The following DHX29 variants were observed in gnomAD, a reference collection of about 807,000 sequenced individuals.
DHX29 encodes the protein DExH-box helicase 29.
A neutral mutation model predicts 167.9 loss-of-function variants in DHX29; 79 were observed. The ratio of observed to expected loss-of-function variants is 0.47; its 90% confidence interval spans 0.39 to 0.57. DHX29 has a LOEUF of 0.57. Among genes scored for constraint, DHX29 ranks in the 20% least tolerant of loss-of-function variants. The pLI, the probability that DHX29 is intolerant of heterozygous loss-of-function variation, is 0.00. For synonymous variants in DHX29, 530 were observed against 546.0 expected, an observed-to-expected ratio of 0.97 and a Z score of 0.41; for missense variants, 1,347 against 1,593.4, an observed-to-expected ratio of 0.85 and a Z score of 2.63.
intron 6 of DHX29, among the ~76,000 whole-genome samples, chr5:55,293,044 G>A (rs191385937): frequency 2.5e-4 from 38 of 152,244 alleles, no homozygotes. Flanking sequence ...CTAATCACCA[G>A]TAACAGCTTC....
chr5:55,262,896 C>T lies in DHX29; in HGVS notation c.3562G>A (p.Ala1188Thr), dbSNP rs374391543. 25 of 1,613,780 alleles carry T rather than the reference C, an allele frequency of 1.5e-5. No individual in the cohort carries two copies. The highest frequency in any genetic ancestry group is 2.0e-5 in the Non-Finnish European group (24 of 1,179,778). ...KQELIKLVKA[A>T]GFSSSTTSTS... The stretch of plus-strand genomic sequence containing the variant: ...GAAGTTGTGGAAGATGAAAATCCTG[C>T]TGCCTTAACCAACTTTATTAACTCC... Residue 1188 changes from alanine (A) to threonine (T), a missense_variant, in exon 24 of 27, where the codon GCA (alanine) becomes ACA (threonine). Physicochemically the swap from Ala to Thr is moderately conservative, Grantham distance 58. This residue lies in a region of DHX29 where 882 missense variants were observed against 1,082.4 expected (regional missense o/e 0.81). Coordinates refer to ENST00000251636, the MANE Select transcript of DHX29 (RefSeq NM_019030.4).
chr5:55,263,189 T>C (rs1024120434), intron 23 of DHX29, among the ~76,000 whole-genome samples: 3 of 152,076 alleles, frequency 2.0e-5, no homozygotes, highest in Non-Finnish European at 4.4e-5. Context: ...GCCAGAAAAA[T>C]GTGTCTGAAC....
chr5:55,302,321 T>G (rs762895015), intron 1 of DHX29, among the ~76,000 whole-genome samples: 6 of 152,148 alleles, frequency 3.9e-5, no homozygotes, highest in Non-Finnish European at 8.8e-5. Context: ...TTTAAAAAGT[T>G]ACAGATAGAT....
At chr5:55,295,058 A>C (rs1748244239) in intron 5 of DHX29, 1 of 203,734 alleles carries the variant, frequency 4.9e-6, no homozygotes, top group Non-Finnish European at 9.9e-6. Context: ...ATGCCTGGCT[A>C]GTCTCCAGCT....
At chr5:55,293,934 A>T in intron 6 of DHX29, 83 bp downstream of exon 6, 5 of 1,464,036 alleles carry the variant, frequency 3.4e-6, no homozygotes, top group Non-Finnish European at 4.6e-6. Context: ...CCAATTTACA[A>T]ATGAGCAAAC....
Position 55,270,505 on chromosome 5 carries a change from A to G in DHX29, c.2994-18T>C, listed in dbSNP as rs760599480. ...CTTCAAATCTGAAAAATAAAGTAATACTAAATACATATTATCAGAAATGTC... is the reference window on the plus strand; with the variant it reads ...CTTCAAATCTGAAAAATAAAGTAATGCTAAATACATATTATCAGAAATGTC... On this transcript the variant is annotated intron_variant, in intron 19 of 26. Coordinates refer to ENST00000251636, the MANE Select transcript of DHX29 (RefSeq NM_019030.4). 1.6e-5 allele frequency: 26 copies of G among 1,613,304 alleles called. No individual in the cohort carries two copies. Among genetic ancestry groups the G allele is most frequent in the Non-Finnish European group, 2.2e-5 (26 of 1,179,812 alleles).
intron 1 of DHX29, among the ~76,000 whole-genome samples, chr5:55,304,995 T>C (rs1393245832): frequency 6.6e-6 from 1 of 152,250 alleles, no homozygotes; most frequent in Non-Finnish European, 1.5e-5. Context: ...CTCTAGTTTT[T>C]TTCTCTTGAT....
chr5:55,267,775 T>G lies in DHX29; in HGVS notation c.3342A>C (p.Pro1114=). 1.2e-6 allele frequency: 2 copies of G among 1,609,128 alleles called. No homozygotes were observed. The highest frequency in any genetic ancestry group is 1.7e-6 in the Non-Finnish European group (2 of 1,177,310). ...VMTEKSPFTT[P]IGRKDEADLA... ...GATCTGCTTCATCTTTTCGACCAATTGGTGTGGTAAAAGGAGACTTCTCTG... is the reference window on the plus strand; with the variant it reads ...GATCTGCTTCATCTTTTCGACCAATGGGTGTGGTAAAAGGAGACTTCTCTG... Residue 1114 remains proline, a synonymous_variant, in exon 22 of 27, where the codon CCA becomes CCC. Transcript: ENST00000251636.
In DHX29 at chr5:55,283,533, A is replaced by G. The variant is rs1331509423; in HGVS notation, c.1635T>C (p.Asp545=). 1 of 1,614,168 alleles carries G rather than the reference A, an allele frequency of 6.2e-7. No individual in the cohort carries two copies. The highest frequency in any genetic ancestry group is 8.5e-7 in the Non-Finnish European group (1 of 1,180,016). ...TAAAGAGGTTTCTAACAGGTTCCAA[A>G]TCTTCCACATTTGCTGATTCCAAGG... is the stretch of plus-strand genomic sequence containing the variant. The part of the protein sequence containing the change: ...ALSLESANVE[D]LEPVRNLFRK... Residue 545 remains aspartate, a synonymous_variant, in exon 11 of 27, where the codon GAT becomes GAC. Transcript: ENST00000251636.
chr5:55,303,793 T>C (rs1748721614), intron 1 of DHX29, among the ~76,000 whole-genome samples: 1 of 152,230 alleles, frequency 6.6e-6, no homozygotes, highest in African/African-American at 2.4e-5. Flanking sequence ...GCTATTCCTA[T>C]TTCAAACCAA....
At chr5:55,266,265 A>G (rs764337025) in intron 23 of DHX29, among the ~76,000 whole-genome samples, 48 of 149,964 alleles carry the variant, frequency 3.2e-4, no homozygotes, top group Non-Finnish European at 6.2e-4. Context: ...CCAAAGTGCT[A>G]GATTACAGGC....
chr5:55,303,923 C>T (rs540102059), intron 1 of DHX29, among the ~76,000 whole-genome samples: 3 of 152,292 alleles, frequency 2.0e-5, no homozygotes, highest in African/African-American at 7.2e-5. Flanking sequence ...AAATTTATGA[C>T]ATCCATTCCC....
chr5:55,288,501 T>C (rs1747863127), intron 8 of DHX29, among the ~76,000 whole-genome samples: 2 of 151,710 alleles, frequency 1.3e-5, no homozygotes, highest in South Asian at 4.1e-4. Context: ...TAGAAGACCA[T>C]TCAGTCTGGT....
intron 24 of DHX29, among the ~76,000 whole-genome samples, chr5:55,262,047 A>T (rs1359599989): frequency 5.3e-5 from 8 of 152,206 alleles, no homozygotes; most frequent in Non-Finnish European, 1.2e-4. Flanking sequence ...ATACTGCCTT[A>T]AAAAATGTGT....
rs1747664214 is a variant in DHX29, at chr5:55,285,359, T to G, written c.1290A>C (p.Thr430=). Residue 430 remains threonine (T), a synonymous_variant, in exon 10 of 27, where the codon ACA becomes ACC. Transcript: ENST00000251636. ...GGTGCTGAGCTTGCATGCCATCTTCTGTTAAGATTGTAGGGCATACTACCA... is the reference window on the plus strand; with the variant it reads ...GGTGCTGAGCTTGCATGCCATCTTCGGTTAAGATTGTAGGGCATACTACCA... ...DVLVVCPTIL[T]EDGMQAQHLG... The G allele has an allele frequency of 1.2e-6, 2 of 1,613,928 alleles. No homozygotes were observed. The highest frequency in any genetic ancestry group is 1.7e-6 in the Non-Finnish European group (2 of 1,180,004).
intron 14 of DHX29, 111 bp from the exon 15 acceptor site, chr5:55,275,121 T>C: frequency 8.1e-7 from 1 of 1,239,992 alleles, no homozygotes; most frequent in Non-Finnish European, 1.1e-6. Context: ...TTTTTCTCAT[T>C]GTCACCATTA....
At chr5:55,292,439 A>G (rs1579808082) in intron 6 of DHX29, among the ~76,000 whole-genome samples, 1 of 152,092 alleles carries the variant, frequency 6.6e-6, no homozygotes, top group African/African-American at 2.4e-5. Flanking sequence ...ATTATCTCAC[A>G]CCTGAGCAAG....
In DHX29 at chr5:55,272,176, C is replaced by T; in HGVS notation, c.2776-1G>A. On this transcript the variant is annotated splice_acceptor_variant, in intron 17 of 26. Coordinates refer to ENST00000251636, the MANE Select transcript of DHX29 (RefSeq NM_019030.4). LOFTEE classifies it high-confidence loss of function. The stretch of plus-strand genomic sequence containing the variant: ...CTGCAATATTGGTTGCTAAAACAAT[C>T]TGAAAATAAACAAAAAGCTTAAAAC... The T allele has an allele frequency of 6.4e-7, 1 of 1,554,106 alleles. No individual in the cohort carries two copies. The highest frequency in any genetic ancestry group is 8.7e-7 in the Non-Finnish European group (1 of 1,148,070).
intron 25 of DHX29, among the ~76,000 whole-genome samples, chr5:55,260,581 C>T (rs927279151): frequency 2.1e-5 from 3 of 139,766 alleles, no homozygotes; most frequent in Non-Finnish European, 3.1e-5. Flanking sequence ...TCACTAATTT[C>T]AATAGCTTTT....
Sources: allele counts gnomAD v4.1 joint callset (sites outside exome capture counted in the v4.1 genomes callset), GRCh38; gene constraint gnomAD v4.1.1; regional missense constraint gnomAD v4.1.1; transcripts MANE v1.5; gene names NCBI Gene and HGNC (gene_info 2026-07-23, HGNC 2026-07-21).